The following PHLPP2 variants were observed in gnomAD, a reference collection of about 807,000 sequenced individuals.
PHLPP2 encodes the protein PH domain leucine-rich repeat-containing protein phosphatase 2.
In PHLPP2, 66 loss-of-function variants were observed where a neutral mutation model predicts 124.9. The ratio of observed to expected loss-of-function variants is 0.53; its 90% CI spans 0.43 to 0.65. The LOEUF is 0.65. Among genes scored for constraint, PHLPP2 ranks in the 30% least tolerant of loss-of-function variants. The pLI is 0.00. For synonymous variants in PHLPP2, 681 were observed against 624.7 expected (o/e 1.09, Z -1.34); for missense variants, 1,685 against 1,600.4 (o/e 1.05, Z -0.90).
Position 71,678,851 on chromosome 16 carries a change from G to A in PHLPP2, c.1172C>T (p.Thr391Ile). 1 of 1,611,652 alleles carries A rather than the reference G, an allele frequency of 6.2e-7. No individual in the cohort carries two copies. Reference sequence around the variant, plus strand: ...TGCCATAACCACTCTATCTAACATAGTGAGTTTCTCATAAACCTCAGGAAT... The same window carrying A: ...TGCCATAACCACTCTATCTAACATAATGAGTTTCTCATAAACCTCAGGAAT... ...SQIPEVYEKL[T>I]MLDRVVMAGN... Residue 391 changes from threonine to isoleucine, a missense_variant, in exon 8 of 19, where the codon ACT becomes ATT. By Grantham distance (89) the Thr-to-Ile change is moderately conservative (BLOSUM62 -1). Transcript: ENST00000568954.
At chr16:71,696,915 T>G (rs1597010620) in intron 3 of PHLPP2, among the ~76,000 whole-genome samples, 1 of 152,218 alleles carries the variant, frequency 6.6e-6, no homozygotes, top group East Asian at 1.9e-4. Context: ...GGCTCACACC[T>G]GTAATCCCAG....
chr16:71,666,367 GC>G (rs1466299639), intron 12 of PHLPP2, among the ~76,000 whole-genome samples: 3 of 152,078 alleles, frequency 2.0e-5, no homozygotes, highest in African/African-American at 7.2e-5. Context: ...AATAAAATTA[GC>G]CAGGTGTGGT....
chr16:71,646,883 G>A lies in PHLPP2; in HGVS notation c.*2007C>T, dbSNP rs961423231. 2.0e-5 allele frequency: 3 copies of A among 152,204 alleles called. No homozygotes were observed. Among genetic ancestry groups the A allele is most frequent in the African/African-American group, 7.2e-5 (3 of 41,392 alleles). 9.4% of individuals were successfully genotyped at this position (152,204 alleles called of 1,614,324 possible). On this transcript the variant is annotated 3_prime_UTR_variant, in exon 19 of 19. Transcript: ENST00000568954. The stretch of plus-strand genomic sequence containing the variant: ...TCTGGGGACTCAAGTTCAGATTCTC[G>A]AGGGGTTGAACATTAGACATCCATT...
At chr16:71,685,791 T>C (rs962485483) in intron 4 of PHLPP2, among the ~76,000 whole-genome samples, 33 of 152,210 alleles carry the variant, frequency 2.2e-4, no homozygotes, top group African/African-American at 7.0e-4. Flanking sequence ...CTGAGACAGA[T>C]CTGTAAATCT....
intron 10 of PHLPP2, 85 bp from the exon 11 acceptor site, chr16:71,669,455 G>C: frequency 1.0e-6 from 1 of 956,622 alleles, no homozygotes; most frequent in Non-Finnish European, 1.6e-6. Flanking sequence ...CCATTAACCA[G>C]CCTGTGAGCC....
intron 4 of PHLPP2, among the ~76,000 whole-genome samples, chr16:71,689,482 TC>T (rs2045087709): frequency 7.2e-6 from 1 of 138,574 alleles, no homozygotes; most frequent in South Asian, 2.4e-4. Flanking sequence ...AACCTCCGCC[TC>T]CCAGGTTCAA....
chr16:71,713,497 T>C (rs891819163), intron 2 of PHLPP2, among the ~76,000 whole-genome samples: 2 of 152,154 alleles, frequency 1.3e-5, no homozygotes, highest in African/African-American at 4.8e-5. Flanking sequence ...CTCTCACATA[T>C]GAGAGATACC....
At chr16:71,697,219 A>T (rs908179369) in intron 3 of PHLPP2, among the ~76,000 whole-genome samples, 4 of 139,122 alleles carry the variant, frequency 2.9e-5, no homozygotes, top group Non-Finnish European at 6.3e-5. Flanking sequence ...AATAAATAAA[A>T]AGAAACTCAG....
intron 14 of PHLPP2, 27 bp from the exon 15 acceptor site, chr16:71,658,390 A>G: frequency 6.2e-7 from 1 of 1,602,564 alleles, no homozygotes; most frequent in Non-Finnish European, 8.5e-7. Flanking sequence ...AAATCAAAAG[A>G]AAATACATCA....
chr16:71,718,311 G>A (rs1216293868), intron 1 of PHLPP2, among the ~76,000 whole-genome samples: 1 of 152,188 alleles, frequency 6.6e-6, no homozygotes, highest in Non-Finnish European at 1.5e-5. Flanking sequence ...CGGGCGCAGT[G>A]GCTCACACCT....
At chr16:71,721,545 T>C (rs2145391917) in intron 1 of PHLPP2, among the ~76,000 whole-genome samples, 1 of 152,290 alleles carries the variant, frequency 6.6e-6, no homozygotes, top group Non-Finnish European at 1.5e-5. Flanking sequence ...CAGTGAGCTA[T>C]GATCACACCA....
At chr16:71,695,938 A>G (rs1310610267) in intron 3 of PHLPP2, among the ~76,000 whole-genome samples, 6 of 152,196 alleles carry the variant, frequency 3.9e-5, no homozygotes, top group African/African-American at 1.4e-4. Flanking sequence ...TTATCTATAG[A>G]GCAGTTAATG....
intron 5 of PHLPP2, among the ~76,000 whole-genome samples, chr16:71,683,481 G>A (rs8048057): frequency 0.34 from 51,560 of 152,028 alleles, 9,621 homozygotes; most frequent in East Asian, 0.76. Context: ...CCCAAGTTAT[G>A]GAATGAATCC....
At chr16:71,695,684 T>A (rs568883794) in intron 3 of PHLPP2, among the ~76,000 whole-genome samples, 48 of 147,988 alleles carry the variant, frequency 3.2e-4, no homozygotes, top group African/African-American at 1.2e-3. Context: ...CACTCCAGCC[T>A]GGGAAACAAG....
At chr16:71,670,414 G>C (rs376619826) in intron 10 of PHLPP2, among the ~76,000 whole-genome samples, 2 of 152,240 alleles carry the variant, frequency 1.3e-5, no homozygotes, top group African/African-American at 4.8e-5. Flanking sequence ...GACTGTATTA[G>C]CTAGCCAAGG....
In PHLPP2 at chr16:71,649,492, G is replaced by A. The variant is rs2044679191; in HGVS notation, c.3370C>T (p.Pro1124Ser). The A allele has an allele frequency of 6.2e-7, 1 of 1,614,136 alleles. No homozygotes were observed. The highest frequency in any genetic ancestry group is 1.3e-5 in the African/African-American group (1 of 75,048). Residue 1124 changes from proline (P) to serine (S), a missense_variant, in exon 19 of 19, where the codon CCC becomes TCC. Physicochemically the swap from Pro to Ser is moderately conservative, Grantham distance 74. Transcript: ENST00000568954. ...TGGCGCTGAAACAGCCCAGAGGTGG[G>A]TGTTGGGTGGAGGCTGCAGCGCCGC... The part of the protein sequence containing the change: ...PERRCSLHPT[P>S]TSGLFQRQPS...
chr16:71,706,097 G>C (rs906858886), intron 2 of PHLPP2, among the ~76,000 whole-genome samples: 5 of 152,216 alleles, frequency 3.3e-5, no homozygotes, highest in Non-Finnish European at 7.3e-5. Context: ...GTGAGAGAAA[G>C]TAATACTGGC....
intron 15 of PHLPP2, 35 bp downstream of exon 15, chr16:71,658,198 A>G: frequency 6.3e-7 from 1 of 1,596,082 alleles, no homozygotes; most frequent in African/African-American, 1.3e-5. Flanking sequence ...GTGGGCTAAG[A>G]GCACATAGAG....
rs181488613 is a variant in PHLPP2 at position 71,699,962 on chromosome 16, C to A, written c.418+2636G>T. On this transcript the variant is annotated intron_variant, in intron 3 of 18. Transcript: ENST00000568954. ...AGTGAACACGGTTTGTTCCCACCAG[C>A]GTCCAATCAGCTAGCCAGTTCACGC... 3.3e-3 allele frequency among the ~76,000 whole-genome samples: 505 copies of A among 152,332 alleles called. 7 individuals carry two copies. The highest frequency in any genetic ancestry group is 0.029 in the Admixed American group (448 of 15,302).
Sources: allele counts gnomAD v4.1 joint callset (sites outside exome capture counted in the v4.1 genomes callset), GRCh38; gene constraint gnomAD v4.1.1; transcripts MANE v1.5; gene names NCBI Gene and HGNC (gene_info 2026-07-23, HGNC 2026-07-21).